PPP2R5E: variants seen among roughly 807,000 people sequenced by gnomAD.
PPP2R5E encodes serine/threonine-protein phosphatase 2A 56 kDa regulatory subunit epsilon isoform.
PPP2R5E carries 4 observed loss-of-function variants against 65.3 expected under a neutral mutation model. That is an observed-to-expected ratio of 0.06 (90% CI 0.03 to 0.14). PPP2R5E has a LOEUF of 0.14. PPP2R5E is among the 10% of genes least tolerant of loss of function. PPP2R5E has a pLI of 1.00. For missense variants in PPP2R5E, 274 were observed against 556.1 expected, an observed-to-expected ratio of 0.49 and a Z score of 5.10; for synonymous variants, 183 against 187.4, an observed-to-expected ratio of 0.98 and a Z score of 0.19.
intron 2 of PPP2R5E, among the ~76,000 whole-genome samples, chr14:63,466,601 A>G (rs1228080139): frequency 6.6e-6 from 1 of 152,258 alleles, no homozygotes; most frequent in African/African-American, 2.4e-5. Flanking sequence ...GTAAGTCCAC[A>G]TAGAACAGTT....
intron 3 of PPP2R5E, among the ~76,000 whole-genome samples, chr14:63,423,207 T>TG (rs1266945925): frequency 6.6e-6 from 1 of 152,202 alleles, no homozygotes. Context: ...GTGACTCTCC[T>TG]GCCTCAGCCT....
chr14:63,376,127 A>G lies in PPP2R5E; in HGVS notation c.1305-19T>C, dbSNP rs1043597123. 9 of 1,490,968 alleles carry G rather than the reference A, an allele frequency of 6.0e-6. No homozygotes were observed. Among genetic ancestry groups the G allele is most frequent in the Admixed American group, 1.7e-5 (1 of 59,508 alleles). 92.4% of individuals were successfully genotyped at this position (1,490,968 alleles called of 1,614,324 possible). A position where few individuals can be genotyped will look rare whatever the true frequency, so the allele number is the denominator to read the frequency against. ...TTTCTCACTGAGGAAGAAACAGAATACAATGTAAACAGCTGAGGTTTAATG... is the reference window on the plus strand; with the variant it reads ...TTTCTCACTGAGGAAGAAACAGAATGCAATGTAAACAGCTGAGGTTTAATG... On this transcript the variant is annotated intron_variant, in intron 13 of 13. Transcript: ENST00000337537.
At chr14:63,537,591 T>TA (rs956671845) in intron 2 of PPP2R5E, among the ~76,000 whole-genome samples, 4 of 152,278 alleles carry the variant, frequency 2.6e-5, no homozygotes, top group Admixed American at 6.5e-5. Flanking sequence ...CTCTCTTTTT[T>TA]AAAAAAAGTA....
rs1032817696 is a variant in PPP2R5E, at chr14:63,395,372, GGGA to G, written c.681-90_681-88del. 8.4e-5 allele frequency: 63 copies of G among 748,784 alleles called. 1 individual carries two copies. Among genetic ancestry groups the G allele is most frequent in the African/African-American group, 3.9e-4 (16 of 41,370 alleles). The allele number at this position is 748,784 out of a possible 1,614,324, so 46.4% of individuals were successfully genotyped here. A position where few individuals can be genotyped will look rare whatever the true frequency, so the allele number is the denominator to read the frequency against. On this transcript the variant is annotated intron_variant, in intron 6 of 13. Coordinates refer to ENST00000337537, the MANE Select transcript of PPP2R5E (RefSeq NM_006246.5). ...AAAGAGGAGGAGGAGGAGGAGAAGGGGGAGGAGGAGGAGAAGAGGAGGAGGAGG... is the reference window on the plus strand; with the variant it reads ...AAAGAGGAGGAGGAGGAGGAGAAGGGGGAGGAGGAGAAGAGGAGGAGGAGG...
chr14:63,496,205 CAA>C (rs1356027624), intron 2 of PPP2R5E, among the ~76,000 whole-genome samples: 2 of 152,030 alleles, frequency 1.3e-5, no homozygotes, highest in African/African-American at 4.8e-5. Flanking sequence ...CTTGAGCCCT[CAA>C]GAGTGAGCCA....
intron 2 of PPP2R5E, among the ~76,000 whole-genome samples, chr14:63,514,458 A>C (rs879901723): frequency 1.3e-4 from 16 of 126,226 alleles, no homozygotes; most frequent in Non-Finnish European, 2.4e-4. Context: ...CTACCTTTAA[A>C]ACTATGTTTA....
At chr14:63,448,273 G>A (rs1566709871) in intron 3 of PPP2R5E, among the ~76,000 whole-genome samples, 2 of 151,856 alleles carry the variant, frequency 1.3e-5, no homozygotes, top group Non-Finnish European at 1.5e-5. Flanking sequence ...CTCCAGCCTG[G>A]GCGACAGAGC....
intron 2 of PPP2R5E, among the ~76,000 whole-genome samples, chr14:63,520,682 G>A (rs925689351): frequency 2.0e-5 from 3 of 151,874 alleles, no homozygotes; most frequent in South Asian, 2.1e-4. Flanking sequence ...GGTCCTAGGC[G>A]GACTCCTTTC....
At chr14:63,519,507 A>ATTTTTTTT (rs557285871) in intron 2 of PPP2R5E, among the ~76,000 whole-genome samples, 9 of 124,326 alleles carry the variant, frequency 7.2e-5, no homozygotes, top group African/African-American at 3.0e-4. Context: ...TGCCCAGCTA[A>ATTTTTTTT]TTTTTTTTTT....
intron 5 of PPP2R5E, among the ~76,000 whole-genome samples, chr14:63,406,149 C>G (rs1018198677): frequency 6.6e-6 from 1 of 152,128 alleles, no homozygotes; most frequent in Non-Finnish European, 1.5e-5. Flanking sequence ...CAGTGACTCA[C>G]GCCTGTAATC....
At chr14:63,391,541 A>T (rs533804995) in intron 10 of PPP2R5E, among the ~76,000 whole-genome samples, 91 of 152,278 alleles carry the variant, frequency 6.0e-4, no homozygotes, top group African/African-American at 2.0e-3. Context: ...CTCCTGCCTC[A>T]GCCTCCCGGG....
chr14:63,460,662 T>G (rs550372247), intron 2 of PPP2R5E, among the ~76,000 whole-genome samples: 1 of 152,332 alleles, frequency 6.6e-6, no homozygotes, highest in African/African-American at 2.4e-5. Context: ...TCTTCCCAAA[T>G]GAGACAACGA....
intron 3 of PPP2R5E, among the ~76,000 whole-genome samples, chr14:63,440,774 T>TA (rs1316809111): frequency 6.4e-5 from 5 of 77,606 alleles, no homozygotes; most frequent in Non-Finnish European, 1.1e-4. Flanking sequence ...CCGTCTCTAC[T>TA]AAAAAATACA....
chr14:63,484,204 G>C (rs138315426), intron 2 of PPP2R5E, among the ~76,000 whole-genome samples: 1 of 152,026 alleles, frequency 6.6e-6, no homozygotes, highest in Non-Finnish European at 1.5e-5. Flanking sequence ...GAAAGGGACC[G>C]GACCAAGGAG....
rs191258030 is a variant in PPP2R5E, at chr14:63,520,177, T to C, written c.157+19352A>G. Reference sequence around the variant, plus strand: ...CAGCCTCTGGAGTAGCTGGGACTACTGGCGCCCGCCACCACGCCCGGCTAA... The same window carrying C: ...CAGCCTCTGGAGTAGCTGGGACTACCGGCGCCCGCCACCACGCCCGGCTAA... On this transcript the variant is annotated intron_variant, in intron 2 of 13. Transcript: ENST00000337537. Among the ~76,000 whole-genome samples the C allele has an allele frequency of 7.9e-5, 12 of 151,998 alleles. No individual in the cohort carries two copies. The East Asian group carries it at 2.3e-3, about 30-fold the overall frequency.
At chr14:63,512,989 A>AC (rs1037656890) in intron 2 of PPP2R5E, among the ~76,000 whole-genome samples, 11 of 129,542 alleles carry the variant, frequency 8.5e-5, no homozygotes, top group Non-Finnish European at 4.9e-5. Context: ...CCCATTCTCC[A>AC]CCCCCCTACC....
intron 2 of PPP2R5E, among the ~76,000 whole-genome samples, chr14:63,487,487 G>A (rs572792863): frequency 6.6e-6 from 1 of 152,270 alleles, no homozygotes; most frequent in African/African-American, 2.4e-5. Context: ...TAAAAAGAAG[G>A]GAAGTGAAAA....
At chr14:63,440,220 C>T (rs12887393) in intron 3 of PPP2R5E, among the ~76,000 whole-genome samples, 448 of 152,214 alleles carry the variant, frequency 2.9e-3, no homozygotes, top group Non-Finnish European at 5.5e-3. Flanking sequence ...CTGAAATACA[C>T]GGCCTTCCTC....
At chr14:63,420,276 A>C (rs1349078297) in intron 4 of PPP2R5E, among the ~76,000 whole-genome samples, 1 of 152,194 alleles carries the variant, frequency 6.6e-6, no homozygotes, top group Non-Finnish European at 1.5e-5. Context: ...TTTCTTCCAG[A>C]CTAAACTGTA....
Sources: allele counts gnomAD v4.1 joint callset (sites outside exome capture counted in the v4.1 genomes callset), GRCh38; gene constraint gnomAD v4.1.1; transcripts MANE v1.5; gene names NCBI Gene and HGNC (gene_info 2026-07-23, HGNC 2026-07-21).